Variants in WDPCP observed in about 807,000 individuals in gnomAD.
WDPCP encodes the protein WD repeat-containing and planar cell polarity effector protein fritz homolog.
In WDPCP, 71 loss-of-function variants were observed where a neutral mutation model predicts 93.1. The observed-to-expected ratio is 0.76, with a 90% confidence interval of 0.63 to 0.93. The LOEUF (loss-of-function observed/expected upper bound fraction) is 0.93. Ranked by LOEUF, WDPCP falls within the 40% of genes least tolerant of loss-of-function variation. The pLI is 0.00. For synonymous variants in WDPCP, 315 were observed against 315.0 expected, an observed-to-expected ratio of 1.00 and a Z score of 0.00; for missense variants, 844 against 887.4, an observed-to-expected ratio of 0.95 and a Z score of 0.62.
intron 2 of WDPCP, among the ~76,000 whole-genome samples, chr2:63,715,068 G>A (rs1489142623): frequency 2.0e-5 from 3 of 152,208 alleles, no homozygotes; most frequent in African/African-American, 7.2e-5. Flanking sequence ...TCACATATGG[G>A]ATGATTCCAT....
chr2:63,588,244 A>AG lies in WDPCP; in HGVS notation c.27dup (p.Tyr10LeufsTer18). 6.3e-7 allele frequency: 1 copy of AG among 1,578,210 alleles called. No individual in the cohort carries two copies. Among genetic ancestry groups the AG allele is most frequent in the Non-Finnish European group, 8.6e-7 (1 of 1,159,562 alleles). On this transcript the variant is annotated frameshift_variant, in exon 1 of 18. Transcript: ENST00000272321. LOFTEE classifies it high-confidence loss of function. ...GCGCGACTCCCGGCCGCTTTGGAGT[A>AG]GGCGTCCCAGCAAAACTCTCGCCTC... is the stretch of plus-strand genomic sequence containing the variant.
intron 10 of WDPCP, among the ~76,000 whole-genome samples, chr2:63,388,172 G>C (rs1465104224): frequency 6.6e-6 from 1 of 152,094 alleles, no homozygotes; most frequent in Non-Finnish European, 1.5e-5. Context: ...AACAGCTCCA[G>C]TCTGCATCTC....
At chr2:63,444,803 CTCT>C (rs1192506288) in intron 6 of WDPCP, among the ~76,000 whole-genome samples, 2 of 152,176 alleles carry the variant, frequency 1.3e-5, no homozygotes, top group Non-Finnish European at 2.9e-5. Flanking sequence ...GAAACCGAAA[CTCT>C]TCTTCTTCTT....
chr2:63,675,678 A>G (rs551017945), intron 2 of WDPCP, among the ~76,000 whole-genome samples: 70 of 152,266 alleles, frequency 4.6e-4, no homozygotes, highest in Non-Finnish European at 9.1e-4. Context: ...TCTTTTAACA[A>G]ATACTAAGTT....
chr2:63,795,475 G>A (rs1670600364), intron 2 of WDPCP, among the ~76,000 whole-genome samples: 1 of 149,674 alleles, frequency 6.7e-6, no homozygotes, highest in Middle Eastern at 3.4e-3. Context: ...AATCCAACCT[G>A]GGCAACATAG....
chr2:63,403,722 A>G (rs955293018), intron 10 of WDPCP: 1 of 215,818 alleles, frequency 4.6e-6, no homozygotes, highest in Non-Finnish European at 9.3e-6. Flanking sequence ...TGGACAAAGT[A>G]AGTCCTTCTA....
At position 63,507,116 on chromosome 2, in the gene WDPCP, T is replaced by C. The variant is rs544986000; in HGVS notation, c.76-14176A>G. Among the ~76,000 whole-genome samples the C allele has an allele frequency of 3.3e-5, 5 of 152,114 alleles. No individual in the cohort carries two copies. In the South Asian group the frequency reaches 1.0e-3, roughly 32 times the overall value. On this transcript the variant is annotated intron_variant, in intron 1 of 17. Coordinates refer to ENST00000272321, the MANE Select transcript of WDPCP (RefSeq NM_015910.7). Reference sequence around the variant, plus strand: ...ATAATGCAAGAAAATTCCCCAGAACTGAAGTACATGATTTTCTCTGTTGAA... The same window carrying C: ...ATAATGCAAGAAAATTCCCCAGAACCGAAGTACATGATTTTCTCTGTTGAA...
rs576368237 is a variant in WDPCP at position 63,259,342 on chromosome 2, C to A, written c.1880G>T (p.Ser627Ile). 14 of 1,612,852 alleles carry A rather than the reference C, an allele frequency of 8.7e-6. No individual in the cohort carries two copies. In the South Asian group the frequency reaches 1.5e-4, roughly 18 times the overall value. The change falls in exon 14 of 18, where the codon AGT becomes ATT. Residue 627 changes from serine (S) to isoleucine (I), a missense_variant. By Grantham distance (142) the Ser-to-Ile change is moderately radical (BLOSUM62 -2). Coordinates refer to ENST00000272321, the MANE Select transcript of WDPCP (RefSeq NM_015910.7). ...ALAEVARKRA[S>I]DIDAESITSG... The stretch of plus-strand genomic sequence containing the variant: ...GGTTATTGATTCTGCATCAATGTCA[C>A]TAGCTCTTTTTCTTGCCACTTCAGC...
chr2:63,690,748 A>G (rs1225074922), intron 2 of WDPCP, among the ~76,000 whole-genome samples: 1 of 152,144 alleles, frequency 6.6e-6, no homozygotes, highest in Admixed American at 6.5e-5. Context: ...TCTCGAGAAA[A>G]CAAAACAAAA....
chr2:63,339,518 C>A lies in WDPCP; in HGVS notation c.1749-26207G>T, dbSNP rs143994583. Among the ~76,000 whole-genome samples the A allele has an allele frequency of 1.7e-3, 256 of 152,208 alleles. 2 individuals carry two copies. Among genetic ancestry groups the A allele is most frequent in the African/African-American group, 5.8e-3 (239 of 41,520 alleles). ...TTGCTGTTGGTATATATAAGCGCTG[C>A]TGATTTTTGTATGTTAATTTTATAT... On this transcript the variant is annotated intron_variant, in intron 12 of 17. Coordinates refer to ENST00000272321, the MANE Select transcript of WDPCP (RefSeq NM_015910.7).
At chr2:63,182,797 TAGG>T (rs2104109947) in intron 14 of WDPCP, among the ~76,000 whole-genome samples, 1 of 150,494 alleles carries the variant, frequency 6.6e-6, no homozygotes, top group African/African-American at 2.4e-5. Context: ...TTTTTTTCCT[TAGG>T]AGACTTTTTT....
chr2:63,308,998 G>C (rs1432288942), intron 13 of WDPCP, among the ~76,000 whole-genome samples: 1 of 152,148 alleles, frequency 6.6e-6, no homozygotes, highest in Non-Finnish European at 1.5e-5. Context: ...CATTATCCTA[G>C]TTGTAGTAAC....
At chr2:63,606,354 A>G (rs1709527917) in intron 3 of WDPCP, among the ~76,000 whole-genome samples, 1 of 152,234 alleles carries the variant, frequency 6.6e-6, no homozygotes. Flanking sequence ...CCACCAGGCA[A>G]CAGAACGGGA....
rs967475260 is a variant in WDPCP at position 63,120,676 on chromosome 2, G to A, written c.*1330C>T. Among the ~76,000 whole-genome samples, 1 of 150,704 alleles carries A rather than the reference G, an allele frequency of 6.6e-6. No homozygotes were observed. The highest frequency in any genetic ancestry group is 2.4e-5 in the African/African-American group (1 of 41,068). On this transcript the variant is annotated 3_prime_UTR_variant, in exon 18 of 18. Coordinates refer to ENST00000272321, the MANE Select transcript of WDPCP (RefSeq NM_015910.7). ...CAAGTAGTTGGGACTACAGGTGCAC[G>A]CCACCACGCCCGGCTAATTTTTTTT...
At chr2:63,651,102 A>G (rs1179918946) in intron 2 of WDPCP, among the ~76,000 whole-genome samples, 1 of 152,128 alleles carries the variant, frequency 6.6e-6, no homozygotes, top group Non-Finnish European at 1.5e-5. Flanking sequence ...GAACAACAAT[A>G]TGGTTCCTAG....
intron 17 of WDPCP, among the ~76,000 whole-genome samples, chr2:63,129,969 T>C (rs557634008): frequency 7.2e-5 from 11 of 152,316 alleles, no homozygotes; most frequent in Non-Finnish European, 1.0e-4. Flanking sequence ...ATGGTTTTTT[T>C]CCCAATGTTT....
intron 14 of WDPCP, among the ~76,000 whole-genome samples, chr2:63,258,534 C>T (rs561737236): frequency 2.4e-5 from 3 of 125,958 alleles, no homozygotes; most frequent in African/African-American, 7.4e-5. Context: ...ATTTTTCAAG[C>T]ACTTAAAAGT....
chr2:63,617,334 T>A (rs1373846623), intron 3 of WDPCP, among the ~76,000 whole-genome samples: 5 of 152,220 alleles, frequency 3.3e-5, no homozygotes. Context: ...TCAAATGAAA[T>A]TATAACCTCA....
At chr2:63,603,792 G>T (rs1286084556) in intron 3 of WDPCP, among the ~76,000 whole-genome samples, 1 of 151,852 alleles carries the variant, frequency 6.6e-6, no homozygotes, top group Non-Finnish European at 1.5e-5. Context: ...CAAGTAGCTG[G>T]GATTACAGAC....
Sources: gnomAD v4.1 joint callset for allele counts (sites outside exome capture counted in the v4.1 genomes callset) on GRCh38, gnomAD v4.1.1 for gene constraint, MANE v1.5 for transcripts, NCBI Gene and HGNC (gene_info 2026-07-23, HGNC 2026-07-21) for gene names.